The following ABTB1 variants were observed in gnomAD, a reference collection of about 807,000 sequenced individuals.
ABTB1 encodes ankyrin repeat and BTB domain containing 1.
ABTB1 carries 45 observed loss-of-function variants against 57.1 expected under a neutral mutation model. The observed-to-expected ratio is 0.79, with a 90% CI of 0.62 to 1.01. ABTB1 has a LOEUF of 1.01. Ranked by LOEUF, ABTB1 falls within the 50% of genes least tolerant of loss-of-function variation. The pLI, the probability that ABTB1 is intolerant of heterozygous loss-of-function variation, is 0.00. For synonymous variants in ABTB1, 302 were observed against 275.4 expected (o/e 1.10, Z -0.95); for missense variants, 630 against 666.3 (o/e 0.95, Z 0.60).
chr3:127,674,627 G>T, intron 3 of ABTB1, 27 bp downstream of exon 3: 1 of 1,613,954 alleles, frequency 6.2e-7, no homozygotes, highest in South Asian at 1.1e-5. Flanking sequence ...CGGCTCACGG[G>T]TGTGCGTGGG....
In ABTB1 at chr3:127,676,167, T is replaced by C. The variant is rs569592717; in HGVS notation, c.320+53T>C. The C allele has an allele frequency of 5.4e-4, 876 of 1,607,848 alleles. 1 individual carries two copies. The highest frequency in any genetic ancestry group is 7.0e-4 in the Non-Finnish European group (819 of 1,176,018). ...CATGGGGTGCGGTGGCCCTGGTGGG[T>C]GTGGCGAGTCTGCTCTGACTGTGGC... On this transcript the variant is annotated intron_variant, in intron 4 of 11. Transcript: ENST00000232744. The surrounding 1 kb of genome is among the most constrained non-coding windows in gnomAD (Gnocchi z 5.4).
In ABTB1 at chr3:127,676,300, G is replaced by A. The variant is rs748869280; in HGVS notation, c.349G>A (p.Val117Met). Reference sequence around the variant, plus strand: ...TCTAGAGCAGGGCATCCACAGTGACGTGGTCTTTGTAGTACACGGGAAGCC... The same window carrying A: ...TCTAGAGCAGGGCATCCACAGTGACATGGTCTTTGTAGTACACGGGAAGCC... The part of the protein sequence containing the change: ...RLLEQGIHSD[V>M]VFVVHGKPFR... The change falls in exon 5 of 12, where the codon GTG becomes ATG. Residue 117 changes from valine (V) to methionine (M), a missense_variant. By Grantham distance (21) the Val-to-Met change is conservative. Around this residue, in one of 3 missense-constraint regions of ABTB1, gnomAD observed 579 missense variants for 585.9 expected, o/e 0.99. Transcript: ENST00000232744. This position sits in a 1 kb window ranked among gnomAD's most constrained non-coding sequence, Gnocchi z 5.4. 10 of 1,613,846 alleles carry A rather than the reference G, an allele frequency of 6.2e-6. No homozygotes were observed. Among genetic ancestry groups the A allele is most frequent in the African/African-American group, 2.7e-5 (2 of 74,930 alleles).
chr3:127,675,114 G>A (rs2074947580), intron 3 of ABTB1, among the ~76,000 whole-genome samples: 1 of 152,108 alleles, frequency 6.6e-6, no homozygotes, highest in Non-Finnish European at 1.5e-5. Context: ...CTTTGCACCT[G>A]CAGTTCCTCC....
At chr3:127,679,253 T>C (rs1221205665) in intron 10 of ABTB1, 1 of 305,766 alleles carries the variant, frequency 3.3e-6, no homozygotes, top group East Asian at 1.0e-4. Context: ...AACATGGGGA[T>C]AGCTCTCGTC....
In ABTB1 at chr3:127,680,528, T is replaced by C; in HGVS notation, c.*53T>C. On this transcript the variant is annotated 3_prime_UTR_variant, in exon 12 of 12. Coordinates refer to ENST00000232744, the MANE Select transcript of ABTB1 (RefSeq NM_172027.3). ...AGGAGCTCTCTTGGAGACAAGCATG[T>C]GTATGCGTTTGTGTGCAGCTCTTCT... 1.3e-6 allele frequency: 2 copies of C among 1,582,086 alleles called. No homozygotes were observed. The highest frequency in any genetic ancestry group is 1.7e-6 in the Non-Finnish European group (2 of 1,166,112).
chr3:127,677,615 C>CG, intron 9 of ABTB1, 52 bp downstream of exon 9: 1 of 1,613,162 alleles, frequency 6.2e-7, no homozygotes, highest in Non-Finnish European at 8.5e-7. Flanking sequence ...CCTGAGCCCC[C>CG]GTCTAGCTCC....
At chr3:127,674,725 T>C in intron 3 of ABTB1, 125 bp downstream of exon 3, 2 of 1,176,958 alleles carry the variant, frequency 1.7e-6, no homozygotes, top group South Asian at 2.5e-5. Context: ...GATTCCTCTC[T>C]TACCACCCAG....
chr3:127,676,957 C>G lies in ABTB1; in HGVS notation c.527-10C>G, dbSNP rs763680557. 5 of 1,612,596 alleles carry G rather than the reference C, an allele frequency of 3.1e-6. No homozygotes were observed. The Admixed American group carries it at 8.3e-5, about 27-fold the overall frequency. ...GTCCCGCAGGCCCTCATCCTCCCCA[C>G]TGCCCCCAGGCCGCCTGGACATTGG... On this transcript the variant is annotated splice_polypyrimidine_tract_variant and intron_variant, in intron 6 of 11. Coordinates refer to ENST00000232744, the MANE Select transcript of ABTB1 (RefSeq NM_172027.3). The surrounding 1 kb of genome is among the most constrained non-coding windows in gnomAD (Gnocchi z 5.4).
At chr3:127,674,026 T>C (rs758145377) in intron 1 of ABTB1, 101 of 292,706 alleles carry the variant, frequency 3.5e-4, no homozygotes, top group Middle Eastern at 1.1e-3. Context: ...TCCCTGCTTC[T>C]AACAGGGCCA....
At chr3:127,675,128 A>G (rs960157195) in intron 3 of ABTB1, among the ~76,000 whole-genome samples, 7 of 152,100 alleles carry the variant, frequency 4.6e-5, no homozygotes, top group African/African-American at 1.7e-4. Flanking sequence ...TTCCTCCTGC[A>G]TGGACTGCCG....
In ABTB1 at chr3:127,680,420, A is replaced by G; in HGVS notation, c.1382A>G (p.Gln461Arg). The change falls in exon 12 of 12, where the codon CAG becomes CGG. Residue 461 changes from glutamine (Q) to arginine (R), a missense_variant. Transcript: ENST00000232744. ...VQTYSAIEEA[Q>R]QRLRALEDLL... The stretch of plus-strand genomic sequence containing the variant: ...ACCTACAGCGCCATAGAGGAGGCGC[A>G]GCAGCGTCTGCGGGCACTCGAGGAC... 1 of 1,607,226 alleles carries G rather than the reference A, an allele frequency of 6.2e-7. No individual in the cohort carries two copies. Among genetic ancestry groups the G allele is most frequent in the East Asian group, 2.2e-5 (1 of 44,650 alleles).
rs773252987 is a variant in ABTB1, at chr3:127,680,412, G to A, written c.1374G>A (p.Glu458=). ...ASTVQTYSAI[E]EAQQRLRALE... is the part of the protein sequence containing the mutation. ...CGGTGCAGACCTACAGCGCCATAGAGGAGGCGCAGCAGCGTCTGCGGGCAC... is the reference window on the plus strand; with the variant it reads ...CGGTGCAGACCTACAGCGCCATAGAAGAGGCGCAGCAGCGTCTGCGGGCAC... The change falls in exon 12 of 12, where the codon GAG becomes GAA. Residue 458 remains glutamate, a synonymous_variant. Coordinates refer to ENST00000232744, the MANE Select transcript of ABTB1 (RefSeq NM_172027.3). 6.2e-7 allele frequency: 1 copy of A among 1,607,894 alleles called. No homozygotes were observed. The highest frequency in any genetic ancestry group is 8.5e-7 in the Non-Finnish European group (1 of 1,177,768).
rs2074972582 is a variant in ABTB1 at position 127,675,997 on chromosome 3, A to G, written c.203A>G (p.Asp68Gly). 1 of 1,611,390 alleles carries G rather than the reference A, an allele frequency of 6.2e-7. No homozygotes were observed. The highest frequency in any genetic ancestry group is 1.7e-5 in the Admixed American group (1 of 59,974). ...NGARCEANTF[D>G]GERCLYGALS... ...GCCCGCTGCGAGGCCAACACCTTCG[A>G]TGGTGAGCGCTGCCTCTATGGGGCA... The change falls in exon 4 of 12, where the codon GAT becomes GGT. Residue 68 changes from aspartate to glycine, a missense_variant. This residue lies in a region of ABTB1 where 579 missense variants were observed against 585.9 expected (regional missense o/e 0.99). Transcript: ENST00000232744.
In ABTB1 at chr3:127,676,714, T is replaced by C; in HGVS notation, c.526+133T>C. 1 of 1,225,488 alleles carries C rather than the reference T, an allele frequency of 8.2e-7. No individual in the cohort carries two copies. The highest frequency in any genetic ancestry group is 1.2e-6 in the Non-Finnish European group (1 of 866,514). The allele number at this position is 1,225,488 out of a possible 1,614,324, so 75.9% of individuals were successfully genotyped here. On this transcript the variant is annotated intron_variant, in intron 6 of 11. Transcript: ENST00000232744. The surrounding 1 kb of genome is among the most constrained non-coding windows in gnomAD (Gnocchi z 5.4). ...TCCCCCCGGGGTGGTTCCAGCTGCC[T>C]CTCGGGTTGGGTTGCAAGAGAGAGG... is the stretch of plus-strand genomic sequence containing the variant.
intron 1 of ABTB1, chr3:127,673,470 T>C (rs1293884234): frequency 6.2e-6 from 1 of 162,504 alleles, no homozygotes; most frequent in East Asian, 1.7e-4. Flanking sequence ...TCGTGCTCTC[T>C]GGACCTGGCG....
At chr3:127,673,747 TC>T (rs749152183) in intron 1 of ABTB1, 1 of 156,912 alleles carries the variant, frequency 6.4e-6, no homozygotes, top group Non-Finnish European at 1.4e-5. Context: ...GCTGCTGTAC[TC>T]CCGTAGCCTC....
chr3:127,674,493 T>C (rs771082365), intron 2 of ABTB1, 40 bp downstream of exon 2: 6 of 1,613,108 alleles, frequency 3.7e-6, no homozygotes, highest in Non-Finnish European at 3.4e-6. Context: ...TGGGGGTTGG[T>C]GCACCCCTTC....
At chr3:127,674,632 CGTG>C (rs1358577584) in intron 3 of ABTB1, 32 bp downstream of exon 3, 2 of 1,613,446 alleles carry the variant, frequency 1.2e-6, no homozygotes, top group African/African-American at 2.7e-5. Flanking sequence ...CACGGGTGTG[CGTG>C]GGTGCATGCA....
In ABTB1 at chr3:127,674,143, G is replaced by T. The variant is rs1412893105; in HGVS notation, c.57-248G>T. ...AGCCTCGGCACTGGCTCTGGCTTCT[G>T]TCCCTGTAGCCCATCGTCCCCCAGC... On this transcript the variant is annotated intron_variant, in intron 1 of 11. Transcript: ENST00000232744. 7.3e-6 allele frequency: 4 copies of T among 547,740 alleles called. No homozygotes were observed. In the Admixed American group the frequency reaches 1.3e-4, roughly 17 times the overall value. The allele number at this position is 547,740 out of a possible 1,614,324, so 33.9% of individuals were successfully genotyped here. A position where few individuals can be genotyped will look rare whatever the true frequency, so the allele number is the denominator to read the frequency against.
Sources: allele counts gnomAD v4.1 joint callset (sites outside exome capture counted in the v4.1 genomes callset), GRCh38; gene constraint gnomAD v4.1.1; regional missense constraint gnomAD v4.1.1; non-coding constraint Gnocchi (gnomAD v3.1); transcripts MANE v1.5; gene names NCBI Gene and HGNC (gene_info 2026-07-23, HGNC 2026-07-21).